The following ME3 variants were observed in gnomAD, a reference collection of about 807,000 sequenced individuals.
ME3 encodes NADP-dependent malic enzyme, mitochondrial.
Under a neutral mutation model 68.9 loss-of-function variants are expected in ME3, and 48 were observed. That is an observed-to-expected ratio of 0.70 (90% CI 0.55 to 0.89). ME3 has a LOEUF of 0.89. Ranked by LOEUF, ME3 falls within the 40% of genes least tolerant of loss-of-function variation. The pLI is 0.00. For synonymous variants in ME3, 320 were observed against 318.8 expected, an observed-to-expected ratio of 1.00 and a Z score of -0.04; for missense variants, 675 against 797.4, an observed-to-expected ratio of 0.85 and a Z score of 1.85.
chr11:86,621,483 T>C (rs1291047340), intron 2 of ME3, among the ~76,000 whole-genome samples: 2 of 152,098 alleles, frequency 1.3e-5, no homozygotes, highest in Non-Finnish European at 2.9e-5. Context: ...TCTTGAGTAA[T>C]CATCAGGCCA....
chr11:86,632,753 A>G (rs1944097434), intron 2 of ME3, among the ~76,000 whole-genome samples: 1 of 152,196 alleles, frequency 6.6e-6, no homozygotes, highest in Non-Finnish European at 1.5e-5. Context: ...GCCCAGGTGC[A>G]GTGAGTGATA....
intron 2 of ME3, among the ~76,000 whole-genome samples, chr11:86,651,986 G>GGGTATCA (rs1339406279): frequency 6.6e-6 from 1 of 152,168 alleles, no homozygotes; most frequent in East Asian, 1.9e-4. Context: ...CTGGAAGAAA[G>GGGTATCA]GGTATCAGTG....
At chr11:86,601,695 A>C (rs1425724584) in intron 2 of ME3, among the ~76,000 whole-genome samples, 5,120 of 151,432 alleles carry the variant, frequency 0.034, 107 homozygotes, top group Non-Finnish European at 0.05. Context: ...ATTGATGCAA[A>C]AATCCTCAAT....
chr11:86,547,492 G>T (rs537109247), intron 4 of ME3, among the ~76,000 whole-genome samples: 29 of 150,546 alleles, frequency 1.9e-4, no homozygotes, highest in Non-Finnish European at 3.4e-4. Flanking sequence ...CGGGTGGGGG[G>T]TTGGGGGAGT....
chr11:86,471,705 A>G (rs1349404625), intron 7 of ME3, among the ~76,000 whole-genome samples: 1 of 152,210 alleles, frequency 6.6e-6, no homozygotes, highest in Non-Finnish European at 1.5e-5. Flanking sequence ...GGCACATGCC[A>G]GTCATCCCAG....
intron 2 of ME3, among the ~76,000 whole-genome samples, chr11:86,601,681 G>A (rs1474652381): frequency 6.6e-6 from 1 of 151,852 alleles, no homozygotes; most frequent in Non-Finnish European, 1.5e-5. Context: ...TATCCTTGAT[G>A]AACATTGATG....
intron 4 of ME3, among the ~76,000 whole-genome samples, chr11:86,554,097 G>A (rs897578320): frequency 1.4e-4 from 21 of 152,220 alleles, no homozygotes; most frequent in African/African-American, 4.1e-4. Flanking sequence ...TCCTGGTGGT[G>A]TCCCTGGATT....
At chr11:86,537,936 G>C (rs903174235) in intron 4 of ME3, among the ~76,000 whole-genome samples, 6 of 152,214 alleles carry the variant, frequency 3.9e-5, no homozygotes, top group African/African-American at 1.2e-4. Flanking sequence ...GGCTCTGCCT[G>C]TGCAGGTCTG....
rs144582634 is a variant in ME3 at position 86,645,652 on chromosome 11, C to T, written c.183+26110G>A. Among the ~76,000 whole-genome samples the T allele has an allele frequency of 6.5e-3, 989 of 152,286 alleles. 19 individuals are homozygous for T. The highest frequency in any genetic ancestry group is 0.022 in the African/African-American group (911 of 41,568). ...AGCAGATTTAAATGTTCCTGCCTGC[C>T]GGCTCTGAAGAGAACAGCAGACCTC... On this transcript the variant is annotated intron_variant, in intron 2 of 14. Coordinates refer to ENST00000543262, the Ensembl canonical transcript of ME3.
intron 4 of ME3, among the ~76,000 whole-genome samples, chr11:86,524,058 C>A (rs998144132): frequency 1.2e-4 from 18 of 152,110 alleles, no homozygotes; most frequent in African/African-American, 4.3e-4. Flanking sequence ...GGCTTTAGGC[C>A]CCTTTCCCTG....
intron 8 of ME3, among the ~76,000 whole-genome samples, chr11:86,454,443 A>G (rs1405052055): frequency 6.6e-6 from 1 of 152,248 alleles, no homozygotes; most frequent in East Asian, 1.9e-4. Flanking sequence ...GCCAGTGTAG[A>G]CACAGTAGAC....
intron 4 of ME3, among the ~76,000 whole-genome samples, chr11:86,511,006 T>C (rs983565730): frequency 6.6e-6 from 1 of 152,228 alleles, no homozygotes; most frequent in African/African-American, 2.4e-5. Context: ...AAATCATCCT[T>C]GATGGTCTCC....
At chr11:86,554,231 A>G (rs978300693) in intron 4 of ME3, among the ~76,000 whole-genome samples, 1 of 152,170 alleles carries the variant, frequency 6.6e-6, no homozygotes, top group African/African-American at 2.4e-5. Flanking sequence ...ATAAGAGCAT[A>G]TGGAGTGAGG....
intron 4 of ME3, among the ~76,000 whole-genome samples, chr11:86,539,753 C>A (rs1411307804): frequency 6.6e-6 from 1 of 152,152 alleles, no homozygotes; most frequent in African/African-American, 2.4e-5. Context: ...CCACATTATT[C>A]TTTGTCCTTT....
At chr11:86,666,528 G>A (rs527426947) in intron 2 of ME3, among the ~76,000 whole-genome samples, 1 of 152,292 alleles carries the variant, frequency 6.6e-6, no homozygotes, top group South Asian at 2.1e-4. Flanking sequence ...TAAAAACAAA[G>A]CCCCAATACC....
rs509870 is a variant in ME3, at chr11:86,525,585, G to T, written c.468-16718C>A. ...TCACCTTTAAGAACACACAGAGGCC[G>T]GGTGCAGTGGCTCACGCCTGTAGTC... On this transcript the variant is annotated intron_variant, in intron 4 of 14. Coordinates refer to ENST00000543262, the Ensembl canonical transcript of ME3. Among the ~76,000 whole-genome samples the T allele has an allele frequency of 3.3e-5, 5 of 152,100 alleles. No individual in the cohort carries two copies. The East Asian group carries it at 9.7e-4, about 29-fold the overall frequency.
At chr11:86,441,231 G>T (rs756801997) in exon 15 of ME3, 3 of 1,437,896 alleles carry the variant, frequency 2.1e-6, no homozygotes, top group Non-Finnish European at 2.8e-6. Flanking sequence ...TATATTGTGG[G>T]TGTTACTCTG....
chr11:86,472,143 T>C (rs879487118), intron 7 of ME3, among the ~76,000 whole-genome samples: 5 of 151,988 alleles, frequency 3.3e-5, no homozygotes, highest in Non-Finnish European at 7.4e-5. Flanking sequence ...GGGAACAGCA[T>C]ATGCATGAGG....
intron 4 of ME3, among the ~76,000 whole-genome samples, chr11:86,532,925 G>A (rs1173461710): frequency 6.6e-6 from 1 of 152,044 alleles, no homozygotes; most frequent in African/African-American, 2.4e-5. Context: ...TGTTTCAGGC[G>A]ACTGTAATCC....
Sources: gnomAD v4.1 joint callset for allele counts (sites outside exome capture counted in the v4.1 genomes callset) on GRCh38, gnomAD v4.1.1 for gene constraint, MANE v1.5 for transcripts, NCBI Gene and HGNC (gene_info 2026-07-23, HGNC 2026-07-21) for gene names.